EPAS1: variants seen among roughly 807,000 people sequenced by gnomAD.
EPAS1 encodes the protein endothelial PAS domain-containing protein 1.
A neutral mutation model predicts 87.9 loss-of-function variants in EPAS1; 23 were observed. The ratio of observed to expected loss-of-function variants is 0.26; its 90% CI spans 0.19 to 0.37. EPAS1 has a LOEUF of 0.37. Ranked by LOEUF, EPAS1 falls within the 10% of genes least tolerant of loss-of-function variation. The probability of loss-of-function intolerance (pLI) is 1.00; values close to 1 mark genes in which losing one functional copy is unlikely to be tolerated. For synonymous variants in EPAS1, 508 were observed against 444.3 expected, an observed-to-expected ratio of 1.14 and a Z score of -1.80; for missense variants, 1,138 against 1,120.7, an observed-to-expected ratio of 1.02 and a Z score of -0.22.
chr2:46,378,234 G>A, intron 10 of EPAS1, 147 bp downstream of exon 10: 2 of 1,392,494 alleles, frequency 1.4e-6, no homozygotes, highest in South Asian at 2.9e-5. Flanking sequence ...TACCTACCAG[G>A]TATCAGAGCT....
chr2:46,363,933 A>AG lies in EPAS1; in HGVS notation c.779+2844dup, dbSNP rs1484048130. Among the ~76,000 whole-genome samples the AG allele has an allele frequency of 2.6e-5, 4 of 152,242 alleles. No individual in the cohort carries two copies. In the East Asian group the frequency reaches 7.7e-4, roughly 29 times the overall value. Reference sequence around the variant, plus strand: ...TTAGCAGATTAGTTAACAAGGGCACAGACATGGCTTAGACAGTTGATGAAG... The same window carrying AG: ...TTAGCAGATTAGTTAACAAGGGCACAGGACATGGCTTAGACAGTTGATGAAG... On this transcript the variant is annotated intron_variant, in intron 6 of 15. Coordinates refer to ENST00000263734, the MANE Select transcript of EPAS1 (RefSeq NM_001430.5).
At chr2:46,328,235 G>C (rs1683603388) in intron 1 of EPAS1, among the ~76,000 whole-genome samples, 1 of 152,224 alleles carries the variant, frequency 6.6e-6, no homozygotes, top group Non-Finnish European at 1.5e-5. Flanking sequence ...CCTCCTGGAA[G>C]GAGGGAGAGC....
Position 46,384,787 on chromosome 2 carries a change from G to T in EPAS1, c.*127G>T. Reference sequence around the variant, plus strand: ...ATTTACAAGATGGACTTACCTGGCAGACTTGCCCAGGTCACCAAGCAGTGG... The same window carrying T: ...ATTTACAAGATGGACTTACCTGGCATACTTGCCCAGGTCACCAAGCAGTGG... On this transcript the variant is annotated 3_prime_UTR_variant, in exon 16 of 16. Coordinates refer to ENST00000263734, the MANE Select transcript of EPAS1 (RefSeq NM_001430.5). 1 of 1,281,224 alleles carries T rather than the reference G, an allele frequency of 7.8e-7. No homozygotes were observed. Among genetic ancestry groups the T allele is most frequent in the Non-Finnish European group, 1.1e-6 (1 of 919,568 alleles). The allele number at this position is 1,281,224 out of a possible 1,614,324, so 79.4% of individuals were successfully genotyped here. A position where few individuals can be genotyped will look rare whatever the true frequency, so the allele number is the denominator to read the frequency against.
At chr2:46,368,992 C>T (rs997201765) in intron 6 of EPAS1, among the ~76,000 whole-genome samples, 1 of 152,124 alleles carries the variant, frequency 6.6e-6, no homozygotes, top group African/African-American at 2.4e-5. Context: ...CATGGTTCTC[C>T]ACATTTGCCC....
At chr2:46,384,351 C>A in intron 15 of EPAS1, 158 bp from the exon 16 acceptor site, 1 of 1,041,722 alleles carries the variant, frequency 9.6e-7, no homozygotes, top group Admixed American at 1.7e-5. Context: ...GAGGCAGACA[C>A]GTTCCCCGGG....
intron 4 of EPAS1, among the ~76,000 whole-genome samples, chr2:46,358,627 G>T (rs940322082): frequency 2.0e-5 from 3 of 152,160 alleles, no homozygotes; most frequent in Non-Finnish European, 4.4e-5. Context: ...CTAGGCAAAG[G>T]CGACAACCTT....
At chr2:46,317,429 G>C (rs1228857980) in intron 1 of EPAS1, among the ~76,000 whole-genome samples, 1 of 152,156 alleles carries the variant, frequency 6.6e-6, no homozygotes, top group Non-Finnish European at 1.5e-5. Context: ...CATTAATTTT[G>C]TGCGTCTCCA....
intron 2 of EPAS1, among the ~76,000 whole-genome samples, chr2:46,352,485 A>G (rs1311052725): frequency 2.0e-5 from 3 of 151,878 alleles, no homozygotes; most frequent in Non-Finnish European, 2.9e-5. Context: ...GCATTTTCCC[A>G]TGTCCGTAAC....
rs527581743 is a variant in EPAS1 at position 46,308,397 on chromosome 2, T to C, written c.26+10460T>C. Among the ~76,000 whole-genome samples the C allele has an allele frequency of 1.3e-4, 19 of 148,498 alleles. No individual in the cohort carries two copies. The East Asian group carries it at 3.4e-3, about 27-fold the overall frequency. On this transcript the variant is annotated intron_variant, in intron 1 of 15. Coordinates refer to ENST00000263734, the MANE Select transcript of EPAS1 (RefSeq NM_001430.5). Reference sequence around the variant, plus strand: ...TTTTTGCCTTTCTAACAATATAGCATGTTCCTGAAGGCCAAGGATGTCTGA... The same window carrying C: ...TTTTTGCCTTTCTAACAATATAGCACGTTCCTGAAGGCCAAGGATGTCTGA...
intron 2 of EPAS1, among the ~76,000 whole-genome samples, chr2:46,352,334 C>A (rs1684182360): frequency 6.6e-6 from 1 of 152,234 alleles, no homozygotes; most frequent in African/African-American, 2.4e-5. Context: ...AGGAACTGCC[C>A]TTACACCTTT....
At chr2:46,328,570 C>T (rs1213735161) in intron 1 of EPAS1, among the ~76,000 whole-genome samples, 1 of 152,206 alleles carries the variant, frequency 6.6e-6, no homozygotes, top group East Asian at 1.9e-4. Flanking sequence ...AGACCACAAA[C>T]CTTCACAGAG....
chr2:46,361,234 A>G (rs1684381098), intron 6 of EPAS1, 144 bp downstream of exon 6: 2 of 919,624 alleles, frequency 2.2e-6, no homozygotes, highest in South Asian at 1.5e-5. Flanking sequence ...CCACTGTTTC[A>G]TTGCATCAGT....
At chr2:46,348,973 G>A (rs1378305958) in intron 2 of EPAS1, among the ~76,000 whole-genome samples, 1 of 152,208 alleles carries the variant, frequency 6.6e-6, no homozygotes, top group African/African-American at 2.4e-5. Context: ...GTGAAGCACA[G>A]ACAGGTTAAG....
rs1684356160 is a variant in EPAS1 at position 46,360,023 on chromosome 2, T to C, written c.455-615T>C. Among the ~76,000 whole-genome samples the C allele has an allele frequency of 6.6e-6, 1 of 152,212 alleles. No homozygotes were observed. Among genetic ancestry groups the C allele is most frequent in the Non-Finnish European group, 1.5e-5 (1 of 68,048 alleles). ...GTGGACTTGCTCACCAAGTCCACTGTAAGGAGATTCGTACCAGAGTTCTCT... is the reference window on the plus strand; with the variant it reads ...GTGGACTTGCTCACCAAGTCCACTGCAAGGAGATTCGTACCAGAGTTCTCT... On this transcript the variant is annotated intron_variant, in intron 4 of 15. Transcript: ENST00000263734. This position sits in a 1 kb window ranked among gnomAD's most constrained non-coding sequence, Gnocchi z 4.5.
chr2:46,366,096 C>T (rs1446321678), intron 6 of EPAS1, among the ~76,000 whole-genome samples: 1 of 152,184 alleles, frequency 6.6e-6, no homozygotes, highest in Non-Finnish European at 1.5e-5. Context: ...TGACTCCAGG[C>T]GGTGGCATCT....
intron 1 of EPAS1, among the ~76,000 whole-genome samples, chr2:46,323,118 A>G (rs926376804): frequency 2.0e-5 from 3 of 152,132 alleles, no homozygotes; most frequent in Non-Finnish European, 4.4e-5. Context: ...CTCACGGATC[A>G]TAACTAGAGT....
At position 46,380,100 on chromosome 2, in the gene EPAS1, T is replaced by G; in HGVS notation, c.1555-127T>G. ...TTCCTGATAGGCCCTCGGGAGCCAG[T>G]GGAGGCGTTTGAGCAGCACTGTGAA... is the stretch of plus-strand genomic sequence containing the variant. On this transcript the variant is annotated intron_variant, in intron 11 of 15. Coordinates refer to ENST00000263734, the MANE Select transcript of EPAS1 (RefSeq NM_001430.5). This position sits in a 1 kb window ranked among gnomAD's most constrained non-coding sequence, Gnocchi z 4.4. 1 of 1,498,246 alleles carries G rather than the reference T, an allele frequency of 6.7e-7. No homozygotes were observed. The highest frequency in any genetic ancestry group is 9.2e-7 in the Non-Finnish European group (1 of 1,089,526). 92.8% of individuals were successfully genotyped at this position (1,498,246 alleles called of 1,614,324 possible).
At chr2:46,308,421 G>C (rs1409873498) in intron 1 of EPAS1, among the ~76,000 whole-genome samples, 1 of 134,736 alleles carries the variant, frequency 7.4e-6, no homozygotes, top group African/African-American at 2.7e-5. Context: ...AAGGATGTCT[G>C]ATTTTCTGAT....
rs17039192 is a variant in EPAS1, at chr2:46,297,441, C to G, written c.-471C>G. On this transcript the variant is annotated 5_prime_UTR_variant, in exon 1 of 16. Transcript: ENST00000263734. ...AGCGGACCGCCACACGGGTCCGGTG[C>G]CCGCTGCGCTTCCGCCCCAGCGCTC... 1 of 156,692 alleles carries G rather than the reference C, an allele frequency of 6.4e-6. No homozygotes were observed. The highest frequency in any genetic ancestry group is 1.4e-5 in the Non-Finnish European group (1 of 71,002). 9.7% of individuals were successfully genotyped at this position (156,692 alleles called of 1,614,324 possible).
Sources: allele counts gnomAD v4.1 joint callset (sites outside exome capture counted in the v4.1 genomes callset), GRCh38; gene constraint gnomAD v4.1.1; non-coding constraint Gnocchi (gnomAD v3.1); transcripts MANE v1.5; gene names NCBI Gene and HGNC (gene_info 2026-07-23, HGNC 2026-07-21).